Variants in SH3GL2 observed in about 807,000 individuals in gnomAD.
The protein encoded by SH3GL2 is endophilin-A1.
A neutral mutation model predicts 46.0 loss-of-function variants in SH3GL2; 24 were observed. The observed-to-expected ratio is 0.52, with a 90% confidence interval of 0.38 to 0.73. The LOEUF (loss-of-function observed/expected upper bound fraction) is 0.73, where lower values mean the gene tolerates loss of function less well. SH3GL2 is among the 30% of genes least tolerant of loss of function. SH3GL2 has a pLI of 0.00. For missense variants in SH3GL2, 413 were observed against 424.2 expected (o/e 0.97, Z 0.23); for synonymous variants, 196 against 147.1 (o/e 1.33, Z -2.40).
At chr9:17,781,792 A>C (rs1297751609) in intron 3 of SH3GL2, among the ~76,000 whole-genome samples, 4 of 151,950 alleles carry the variant, frequency 2.6e-5, no homozygotes, top group African/African-American at 9.7e-5. Flanking sequence ...CTCTCCCTTT[A>C]CGGTTCACTC....
intron 1 of SH3GL2, among the ~76,000 whole-genome samples, chr9:17,584,842 C>T (rs1417667243): frequency 1.3e-5 from 2 of 152,096 alleles, no homozygotes; most frequent in East Asian, 1.9e-4. Context: ...TGAGAGTCCT[C>T]GTGATTGAAG....
intron 1 of SH3GL2, among the ~76,000 whole-genome samples, chr9:17,674,055 A>G (rs1820542871): frequency 6.6e-6 from 1 of 152,132 alleles, no homozygotes; most frequent in South Asian, 2.1e-4. Context: ...TTATGAATTG[A>G]TCTGAGCACT....
chr9:17,582,274 C>A (rs1243376046), intron 1 of SH3GL2, among the ~76,000 whole-genome samples: 3 of 68,802 alleles, frequency 4.4e-5, no homozygotes, highest in African/African-American at 3.5e-4. Context: ...TATAATGATA[C>A]CAAAAATTGA....
intron 1 of SH3GL2, among the ~76,000 whole-genome samples, chr9:17,642,402 T>C (rs1158369849): frequency 2.0e-5 from 3 of 152,244 alleles, no homozygotes; most frequent in Non-Finnish European, 4.4e-5. Context: ...CCATTGCTTT[T>C]GGTGTTTTAG....
chr9:17,678,674 G>A (rs1820681381), intron 1 of SH3GL2, among the ~76,000 whole-genome samples: 1 of 152,160 alleles, frequency 6.6e-6, no homozygotes, highest in African/African-American at 2.4e-5. Context: ...TGTTGCCATT[G>A]CTTTTGGTGT....
At chr9:17,584,735 G>A (rs1316826687) in intron 1 of SH3GL2, among the ~76,000 whole-genome samples, 1 of 152,150 alleles carries the variant, frequency 6.6e-6, no homozygotes, top group African/African-American at 2.4e-5. Context: ...CTTGAACCAT[G>A]TAAAACAAAA....
At chr9:17,628,188 G>C (rs1488443920) in intron 1 of SH3GL2, among the ~76,000 whole-genome samples, 1 of 152,138 alleles carries the variant, frequency 6.6e-6, no homozygotes, top group East Asian at 1.9e-4. Context: ...TCTTAAATGA[G>C]CCAGAATGGA....
At chr9:17,647,668 AATT>A (rs1220708728) in intron 1 of SH3GL2, among the ~76,000 whole-genome samples, 2 of 152,216 alleles carry the variant, frequency 1.3e-5, no homozygotes, top group African/African-American at 4.8e-5. Context: ...TAATGGTAGT[AATT>A]ATTATGGCCA....
chr9:17,790,925 C>G (rs535756865), intron 6 of SH3GL2, among the ~76,000 whole-genome samples: 2 of 152,164 alleles, frequency 1.3e-5, no homozygotes, highest in South Asian at 2.1e-4. Context: ...AGTCAAATCC[C>G]AGATACAAGA....
chr9:17,661,291 A>G (rs1311779412), intron 1 of SH3GL2, among the ~76,000 whole-genome samples: 1 of 152,314 alleles, frequency 6.6e-6, no homozygotes, highest in Admixed American at 6.5e-5. Flanking sequence ...GGGGGCAGGG[A>G]TATCAATATA....
At chr9:17,692,457 C>G (rs1821105340) in intron 1 of SH3GL2, among the ~76,000 whole-genome samples, 1 of 151,822 alleles carries the variant, frequency 6.6e-6, no homozygotes, top group Admixed American at 6.6e-5. Flanking sequence ...ACCAGCCTGG[C>G]CAATATGGTA....
At chr9:17,588,240 T>A (rs1818416881) in intron 1 of SH3GL2, among the ~76,000 whole-genome samples, 1 of 151,962 alleles carries the variant, frequency 6.6e-6, no homozygotes, top group African/African-American at 2.4e-5. Context: ...GAGATGTTCA[T>A]AAGCCAGGCC....
intron 1 of SH3GL2, among the ~76,000 whole-genome samples, chr9:17,623,865 A>G (rs957707308): frequency 1.1e-4 from 16 of 152,242 alleles, no homozygotes; most frequent in African/African-American, 2.4e-4. Context: ...CCGCAGCACT[A>G]TTATCAACTT....
chr9:17,711,207 A>G lies in SH3GL2; in HGVS notation c.46-35859A>G, dbSNP rs547094972. On this transcript the variant is annotated intron_variant, in intron 1 of 8. Coordinates refer to ENST00000380607, the MANE Select transcript of SH3GL2 (RefSeq NM_003026.5). ...CTGCTACTGAAGTACTTTTGTTACCACTACTACCATTAGTGTTTTTTTATT... is the reference window on the plus strand; with the variant it reads ...CTGCTACTGAAGTACTTTTGTTACCGCTACTACCATTAGTGTTTTTTTATT... Among the ~76,000 whole-genome samples the G allele has an allele frequency of 1.7e-3, 261 of 152,042 alleles. 1 individual carries two copies. Among genetic ancestry groups the G allele is most frequent in the African/African-American group, 6.1e-3 (252 of 41,526 alleles).
At chr9:17,598,525 G>T (rs965318766) in intron 1 of SH3GL2, among the ~76,000 whole-genome samples, 2 of 152,202 alleles carry the variant, frequency 1.3e-5, no homozygotes, top group East Asian at 3.9e-4. Flanking sequence ...GCAGAGTTGC[G>T]GGCCAAGGGG....
intron 1 of SH3GL2, among the ~76,000 whole-genome samples, chr9:17,614,879 T>C (rs890185152): frequency 3.3e-5 from 5 of 152,092 alleles, no homozygotes; most frequent in African/African-American, 4.8e-5. Context: ...AGGACAAAAA[T>C]ACAAAATCCC....
At chr9:17,630,627 T>C (rs866608630) in intron 1 of SH3GL2, among the ~76,000 whole-genome samples, 1 of 152,228 alleles carries the variant, frequency 6.6e-6, no homozygotes, top group Non-Finnish European at 1.5e-5. Context: ...TTTAAGACTT[T>C]TGTGATGGTT....
chr9:17,741,805 C>G (rs1822535665), intron 1 of SH3GL2, among the ~76,000 whole-genome samples: 1 of 152,134 alleles, frequency 6.6e-6, no homozygotes, highest in Non-Finnish European at 1.5e-5. Flanking sequence ...AGCAGTTTTA[C>G]TCAACGAGTA....
chr9:17,665,856 C>A (rs1820329407), intron 1 of SH3GL2, among the ~76,000 whole-genome samples: 1 of 149,218 alleles, frequency 6.7e-6, no homozygotes, highest in Non-Finnish European at 1.5e-5. Context: ...AATAAATATG[C>A]ATCTGTCTGT....
Sources: gnomAD v4.1 joint callset for allele counts (sites outside exome capture counted in the v4.1 genomes callset) on GRCh38, gnomAD v4.1.1 for gene constraint, MANE v1.5 for transcripts, NCBI Gene and HGNC (gene_info 2026-07-23, HGNC 2026-07-21) for gene names.